The following CSMD1 variants were observed in gnomAD, a reference collection of about 807,000 sequenced individuals.
The protein encoded by CSMD1 is CUB and sushi domain-containing protein 1.
CSMD1 carries 213 observed loss-of-function variants against 417.5 expected under a neutral mutation model. The observed-to-expected ratio is 0.51, with a 90% confidence interval of 0.46 to 0.57. The LOEUF (loss-of-function observed/expected upper bound fraction) is 0.57, where lower values mean the gene tolerates loss of function less well. Ranked by LOEUF, CSMD1 falls within the 20% of genes least tolerant of loss-of-function variation. The pLI is 0.00. For missense variants in CSMD1, 6,923 were observed against 4,529.7 expected (o/e 1.53, Z -15.17); for synonymous variants, 2,862 against 1,736.8 (o/e 1.65, Z -16.11).
At chr8:4,750,056 G>C (rs181207383) in intron 1 of CSMD1, among the ~76,000 whole-genome samples, 23 of 150,568 alleles carry the variant, frequency 1.5e-4, no homozygotes, top group African/African-American at 5.1e-4. Context: ...GCCCAGGCTG[G>C]AGTGCAGTGG....
At chr8:3,312,530 G>C (rs781458552) in intron 23 of CSMD1, among the ~76,000 whole-genome samples, 5 of 152,170 alleles carry the variant, frequency 3.3e-5, no homozygotes, top group Admixed American at 1.3e-4. Context: ...AGACTGAAGA[G>C]AGCTTTGTTC....
intron 3 of CSMD1, among the ~76,000 whole-genome samples, chr8:4,276,947 C>G (rs943105471): frequency 6.6e-6 from 1 of 151,986 alleles, no homozygotes; most frequent in Admixed American, 6.6e-5. Flanking sequence ...TGTATGTTTT[C>G]GTATACCAAC....
intron 5 of CSMD1, among the ~76,000 whole-genome samples, chr8:3,769,379 C>T (rs958525672): frequency 2.6e-5 from 4 of 151,716 alleles, no homozygotes; most frequent in Admixed American, 1.3e-4. Flanking sequence ...CCATTAAATA[C>T]TATGTTAAAA....
intron 38 of CSMD1, 43 bp downstream of exon 38, chr8:3,162,116 T>C: frequency 7.9e-7 from 1 of 1,260,232 alleles, no homozygotes; most frequent in Middle Eastern, 1.8e-4. Context: ...TGCACAAAGA[T>C]GACCATGTGT....
chr8:4,278,903 C>G (rs529065193), intron 3 of CSMD1, among the ~76,000 whole-genome samples: 1 of 152,292 alleles, frequency 6.6e-6, no homozygotes, highest in African/African-American at 2.4e-5. Flanking sequence ...AGGATAACTT[C>G]TCTGAAAGTA....
chr8:3,808,374 AC>A (rs1488985453), intron 5 of CSMD1, among the ~76,000 whole-genome samples: 2 of 152,158 alleles, frequency 1.3e-5, no homozygotes, highest in Non-Finnish European at 2.9e-5. Flanking sequence ...CAAAGGACTG[AC>A]TGTGATAATG....
intron 26 of CSMD1, among the ~76,000 whole-genome samples, chr8:3,256,262 G>A (rs1262505131): frequency 6.8e-6 from 1 of 146,162 alleles, no homozygotes; most frequent in Non-Finnish European, 1.5e-5. Context: ...GGGAGGCAGA[G>A]GTTTCAGTGG....
At chr8:4,745,277 A>T (rs1043184912) in intron 1 of CSMD1, among the ~76,000 whole-genome samples, 2 of 152,190 alleles carry the variant, frequency 1.3e-5, no homozygotes, top group Non-Finnish European at 2.9e-5. Flanking sequence ...TCTGGCAGAA[A>T]ATTAAAAACA....
intron 12 of CSMD1, among the ~76,000 whole-genome samples, chr8:3,418,315 G>A (rs1813285993): frequency 6.6e-6 from 1 of 152,086 alleles, no homozygotes; most frequent in Admixed American, 6.6e-5. Flanking sequence ...GTCTCATGGA[G>A]ACCATGAGAG....
intron 5 of CSMD1, among the ~76,000 whole-genome samples, chr8:3,960,556 AGT>A (rs1488285986): frequency 6.6e-6 from 1 of 152,166 alleles, no homozygotes; most frequent in Non-Finnish European, 1.5e-5. Flanking sequence ...AAGCATTTTT[AGT>A]CTTGAGGATT....
intron 47 of CSMD1, 117 bp downstream of exon 47, chr8:3,096,732 G>T: frequency 1.3e-6 from 1 of 741,732 alleles, no homozygotes; most frequent in Non-Finnish European, 2.1e-6. Context: ...TGTTTGCTTT[G>T]GGAAAACATA....
rs138223119 is a variant in CSMD1, at chr8:4,949,766, A to T, written c.85+44566T>A. On this transcript the variant is annotated intron_variant, in intron 1 of 69. Transcript: ENST00000635120. ...ATTTTATCTTTTCAAAAAAATTGAT[A>T]TGAAGTTTCTGTGGCATTTCCTAAA... is the stretch of plus-strand genomic sequence containing the variant. Among the ~76,000 whole-genome samples the T allele has an allele frequency of 4.5e-3, 686 of 152,342 alleles. 2 individuals are homozygous for T. Among genetic ancestry groups the T allele is most frequent in the African/African-American group, 0.016 (659 of 41,578 alleles).
intron 11 of CSMD1, among the ~76,000 whole-genome samples, chr8:3,476,495 T>C (rs879826806): frequency 6.6e-6 from 1 of 152,162 alleles, no homozygotes; most frequent in South Asian, 2.1e-4. Flanking sequence ...ATATTTACTA[T>C]CATATGAAAC....
At chr8:4,883,613 A>G (rs1344883415) in intron 1 of CSMD1, among the ~76,000 whole-genome samples, 1 of 152,114 alleles carries the variant, frequency 6.6e-6, no homozygotes, top group Non-Finnish European at 1.5e-5. Context: ...TTCACTTAGT[A>G]TAATCTGTCA....
At chr8:4,983,766 A>G (rs182748477) in intron 1 of CSMD1, among the ~76,000 whole-genome samples, 19 of 152,200 alleles carry the variant, frequency 1.2e-4, no homozygotes, top group Admixed American at 3.9e-4. Flanking sequence ...AGTTTCCTAC[A>G]TCATGACTAA....
intron 3 of CSMD1, among the ~76,000 whole-genome samples, chr8:4,349,277 A>G (rs1056258062): frequency 6.6e-6 from 1 of 152,118 alleles, no homozygotes; most frequent in Non-Finnish European, 1.5e-5. Flanking sequence ...TTCAAAAACA[A>G]TTTTTGCAGC....
intron 3 of CSMD1, among the ~76,000 whole-genome samples, chr8:4,205,891 C>T (rs899249388): frequency 6.6e-6 from 1 of 152,144 alleles, no homozygotes; most frequent in Non-Finnish European, 1.5e-5. Context: ...ATGCACTGTG[C>T]AGAAAATCAG....
chr8:3,518,504 T>C (rs1264205602), intron 10 of CSMD1, among the ~76,000 whole-genome samples: 3 of 152,090 alleles, frequency 2.0e-5, no homozygotes, highest in Non-Finnish European at 4.4e-5. Context: ...CAACAAAGAA[T>C]CAGAAAAATG....
At chr8:3,562,399 CAT>C (rs1326885119) in intron 10 of CSMD1, among the ~76,000 whole-genome samples, 9 of 123,266 alleles carry the variant, frequency 7.3e-5, no homozygotes, top group Admixed American at 2.8e-4. Context: ...TACACACATG[CAT>C]ACACACACAT....
Sources: gnomAD v4.1 joint callset for allele counts (sites outside exome capture counted in the v4.1 genomes callset) on GRCh38, gnomAD v4.1.1 for gene constraint, MANE v1.5 for transcripts, NCBI Gene and HGNC (gene_info 2026-07-23, HGNC 2026-07-21) for gene names.